The following WDFY4 variants were observed in gnomAD, a reference collection of about 807,000 sequenced individuals.
WDFY4 encodes WDFY family member 4.
WDFY4 carries 169 observed loss-of-function variants against 351.9 expected under a neutral mutation model. The ratio of observed to expected loss-of-function variants is 0.48; its 90% CI spans 0.42 to 0.55. The LOEUF (loss-of-function observed/expected upper bound fraction) is 0.55. Among genes scored for constraint, WDFY4 ranks in the 20% least tolerant of loss-of-function variants. The pLI, the probability that WDFY4 is intolerant of heterozygous loss-of-function variation, is 0.00. For synonymous variants in WDFY4, 1,622 were observed against 1,574.6 expected (o/e 1.03, Z -0.71); for missense variants, 3,803 against 3,935.6 (o/e 0.97, Z 0.90).
intron 43 of WDFY4, among the ~76,000 whole-genome samples, chr10:48,878,802 G>A (rs879024671): frequency 2.0e-5 from 3 of 152,318 alleles, no homozygotes; most frequent in South Asian, 4.2e-4. Flanking sequence ...CGCTTCACCT[G>A]TCCACCTCTG....
intron 39 of WDFY4, among the ~76,000 whole-genome samples, chr10:48,862,721 T>C (rs1240481786): frequency 1.3e-5 from 2 of 152,114 alleles, no homozygotes; most frequent in Non-Finnish European, 2.9e-5. Context: ...CATGGAAAAA[T>C]TGTCTTCCAC....
chr10:48,920,635 T>C (rs1048947627), intron 47 of WDFY4, among the ~76,000 whole-genome samples: 7 of 152,234 alleles, frequency 4.6e-5, no homozygotes, highest in African/African-American at 1.7e-4. Context: ...TCACTATGTC[T>C]GTTCAGTATT....
At chr10:48,939,929 A>G (rs1364086846) in intron 47 of WDFY4, among the ~76,000 whole-genome samples, 4 of 152,180 alleles carry the variant, frequency 2.6e-5, no homozygotes, top group Non-Finnish European at 5.9e-5. Context: ...AAATTCTAGA[A>G]CCTTGTCTGA....
Position 48,793,450 on chromosome 10 carries a change from C to T in WDFY4, c.4257+2533C>T, listed in dbSNP as rs184942437. ...GCGTGGCAAGAGAGGTGGTAAATGG[C>T]AGGTTTGAGTGAAGAAATAGTATTA... On this transcript the variant is annotated intron_variant, in intron 23 of 61. Transcript: ENST00000325239. Among the ~76,000 whole-genome samples the T allele has an allele frequency of 1.8e-3, 277 of 152,262 alleles. 3 individuals carry two copies. Among genetic ancestry groups the T allele is most frequent in the East Asian group, 7.7e-4 (4 of 5,180 alleles).
intron 9 of WDFY4, 67 bp downstream of exon 9, chr10:48,731,629 A>C: frequency 6.8e-7 from 1 of 1,468,458 alleles, no homozygotes; most frequent in Admixed American, 2.2e-5. Context: ...CTTTGGGCCA[A>C]TCTGGCTGCC....
intron 39 of WDFY4, among the ~76,000 whole-genome samples, chr10:48,864,414 C>T (rs2069464332): frequency 6.6e-6 from 1 of 152,178 alleles, no homozygotes; most frequent in African/African-American, 2.4e-5. Context: ...TATTTTTGGA[C>T]TCTCAATTTT....
Position 48,821,326 on chromosome 10 carries a change from C to A in WDFY4, c.5824+150C>A, listed in dbSNP as rs2067817091. 1.6e-5 allele frequency: 10 copies of A among 622,126 alleles called. No homozygotes were observed. In the South Asian group the frequency reaches 2.0e-4, roughly 12 times the overall value. 38.5% of individuals were successfully genotyped at this position (622,126 alleles called of 1,614,324 possible). The stretch of plus-strand genomic sequence containing the variant: ...CTCCAGGCATCATCAACAAGAACTC[C>A]CTGGCTCCTGCCTTGGGGCCCAGTG... On this transcript the variant is annotated intron_variant, in intron 34 of 61. Transcript: ENST00000325239.
At chr10:48,919,115 CA>C (rs557860135) in intron 47 of WDFY4, among the ~76,000 whole-genome samples, 4 of 151,150 alleles carry the variant, frequency 2.6e-5, no homozygotes, top group Non-Finnish European at 5.9e-5. Context: ...TGAAATTGTA[CA>C]AAAAAGTACA....
intron 19 of WDFY4, 60 bp from the exon 20 acceptor site, chr10:48,786,579 A>T (rs2066412364): frequency 1.5e-6 from 2 of 1,294,212 alleles, no homozygotes; most frequent in Non-Finnish European, 2.1e-6. Context: ...ATCACTTTGT[A>T]TTTACTTGAT....
chr10:48,978,897 A>G (rs1462345519), intron 60 of WDFY4: 1 of 152,840 alleles, frequency 6.5e-6, no homozygotes, highest in East Asian at 1.9e-4. Context: ...AGAACCTGTG[A>G]TCATCCATAG....
intron 57 of WDFY4, among the ~76,000 whole-genome samples, chr10:48,970,622 TC>T (rs1842297247): frequency 6.6e-6 from 1 of 152,198 alleles, no homozygotes; most frequent in Non-Finnish European, 1.5e-5. Flanking sequence ...TCTGGTGAAA[TC>T]AGTTTCCTTA....
chr10:48,894,256 T>C (rs1326028730), intron 44 of WDFY4, among the ~76,000 whole-genome samples: 3 of 152,238 alleles, frequency 2.0e-5, no homozygotes, highest in Non-Finnish European at 2.9e-5. Flanking sequence ...TTCTTCCATA[T>C]GTCATCTGTG....
In WDFY4 at chr10:48,776,763, A is replaced by C; in HGVS notation, c.2877A>C (p.Ala959=). 6.5e-7 allele frequency: 1 copy of C among 1,548,080 alleles called. No individual in the cohort carries two copies. The highest frequency in any genetic ancestry group is 1.2e-5 in the South Asian group (1 of 83,804). ...GNPGCSGSQT[A]QGLAEGPWPA... Reference sequence around the variant, plus strand: ...TTGCTGCCCTAGGGTCACAGACTGCACAGGGCTTGGCTGAGGGGCCCTGGC... The same window carrying C: ...TTGCTGCCCTAGGGTCACAGACTGCCCAGGGCTTGGCTGAGGGGCCCTGGC... The change falls in exon 16 of 62, where the codon GCA becomes GCC. Residue 959 remains alanine (A), a synonymous_variant. Coordinates refer to ENST00000325239, the MANE Select transcript of WDFY4 (RefSeq NM_001394531.1).
At chr10:48,973,287 C>T (rs1842412759) in intron 57 of WDFY4, among the ~76,000 whole-genome samples, 1 of 152,230 alleles carries the variant, frequency 6.6e-6, no homozygotes, top group Non-Finnish European at 1.5e-5. Context: ...AGGTTCCTGT[C>T]AACTCCTCTG....
intron 47 of WDFY4, among the ~76,000 whole-genome samples, chr10:48,915,129 A>G (rs1449393055): frequency 6.6e-6 from 1 of 152,168 alleles, no homozygotes; most frequent in Admixed American, 6.5e-5. Flanking sequence ...ATTTGTGAAA[A>G]CAGACACCCT....
chr10:48,875,061 ATT>A, intron 41 of WDFY4, 26 bp from the exon 42 acceptor site: 1 of 1,422,502 alleles, frequency 7.0e-7, no homozygotes, highest in South Asian at 1.5e-5. Context: ...CCAGGATTTA[ATT>A]TTTCTTTTCA....
At chr10:48,832,427 T>G in intron 38 of WDFY4, 146 bp from the exon 39 acceptor site, 27 of 968,500 alleles carry the variant, frequency 2.8e-5, no homozygotes, top group Non-Finnish European at 3.7e-5. Context: ...GACGGCAGTG[T>G]GAGCTTGTAG....
intron 11 of WDFY4, among the ~76,000 whole-genome samples, chr10:48,739,484 C>A (rs563506349): frequency 5.3e-5 from 8 of 152,306 alleles, no homozygotes; most frequent in African/African-American, 1.9e-4. Flanking sequence ...TCCTAGACTC[C>A]CCGTTCCTGA....
intron 2 of WDFY4, among the ~76,000 whole-genome samples, chr10:48,710,775 G>A (rs572722693): frequency 5.9e-5 from 9 of 152,328 alleles, no homozygotes; most frequent in East Asian, 3.9e-4. Flanking sequence ...CTCACATCCC[G>A]GTCACAGCTC....
Sources: allele counts gnomAD v4.1 joint callset (sites outside exome capture counted in the v4.1 genomes callset), GRCh38; gene constraint gnomAD v4.1.1; transcripts MANE v1.5; gene names NCBI Gene and HGNC (gene_info 2026-07-23, HGNC 2026-07-21).